ZFP1: variants seen among roughly 807,000 people sequenced by gnomAD.
The protein encoded by ZFP1 is zinc finger protein 1 homolog.
ZFP1 carries 32 observed loss-of-function variants against 38.5 expected under a neutral mutation model. That is an observed-to-expected ratio of 0.83 (90% CI 0.63 to 1.12). The LOEUF (loss-of-function observed/expected upper bound fraction) is 1.12. ZFP1 is among the 50% of genes most tolerant of loss of function. The pLI, the probability that ZFP1 is intolerant of heterozygous loss-of-function variation, is 0.00. For synonymous variants in ZFP1, 245 were observed against 168.8 expected (o/e 1.45, Z -3.50); for missense variants, 616 against 480.8 (o/e 1.28, Z -2.63).
chr16:75,147,342 A>G (rs1290338253), upstream of ZFP1, among the ~76,000 whole-genome samples: 1 of 152,158 alleles, frequency 6.6e-6, no homozygotes, highest in African/African-American at 2.4e-5. Flanking sequence ...CAGTGGCACA[A>G]TCTTGGCTCA....
intron 2 of ZFP1, among the ~76,000 whole-genome samples, chr16:75,163,891 T>G (rs996274650): frequency 6.6e-6 from 1 of 152,144 alleles, no homozygotes; most frequent in Non-Finnish European, 1.5e-5. Flanking sequence ...ATTACACACA[T>G]GAGCCACAGC....
rs1178556441 is a variant in ZFP1, at chr16:75,152,939, A to G, written c.-13A>G. The G allele has an allele frequency of 6.2e-7, 1 of 1,613,800 alleles. No homozygotes were observed. The highest frequency in any genetic ancestry group is 2.2e-5 in the East Asian group (1 of 44,836). On this transcript the variant is annotated 5_prime_UTR_variant, in exon 2 of 4. Transcript: ENST00000570010. ...CCTTCATAGTTCTCTGCCTTTGCCCAAAACTGCAGAAAATGAACAAATCCC... is the reference window on the plus strand; with the variant it reads ...CCTTCATAGTTCTCTGCCTTTGCCCGAAACTGCAGAAAATGAACAAATCCC...
rs2038096280 is a variant in ZFP1, at chr16:75,166,603, C to T, written c.16-167C>T. 3 of 984,794 alleles carry T rather than the reference C, an allele frequency of 3.0e-6. No individual in the cohort carries two copies. The South Asian group carries it at 1.4e-4, about 46-fold the overall frequency. The allele number at this position is 984,794 out of a possible 1,614,324, so 61.0% of individuals were successfully genotyped here. ...GATATAGGGGAATCTGAATAAATCTCAACTATTTATAAAAATATATTTTGG... is the reference window on the plus strand; with the variant it reads ...GATATAGGGGAATCTGAATAAATCTTAACTATTTATAAAAATATATTTTGG... On this transcript the variant is annotated intron_variant, in intron 2 of 3. Coordinates refer to ENST00000570010, the MANE Select transcript of ZFP1 (RefSeq NM_153688.4).
chr16:75,169,891 G>C lies in ZFP1; in HGVS notation c.781G>C (p.Ala261Pro). 2 of 1,614,192 alleles carry C rather than the reference G, an allele frequency of 1.2e-6. No individual in the cohort carries two copies. Among genetic ancestry groups the C allele is most frequent in the Non-Finnish European group, 1.7e-6 (2 of 1,180,036 alleles). Residue 261 changes from alanine to proline, a missense_variant, in exon 4 of 4, where the codon GCA becomes CCA. By Grantham distance (27) the Ala-to-Pro change is conservative (BLOSUM62 -1). Transcript: ENST00000570010. ...GTCAAACCTCATTGTACACCAGAGA[G>C]CACATATGGAGAAGAAGCCCTATGA... ...HQSNLIVHQR[A>P]HMEKKPYECS...
upstream of ZFP1, among the ~76,000 whole-genome samples, chr16:75,144,427 A>G (rs1214240949): frequency 6.6e-6 from 1 of 152,140 alleles, no homozygotes; most frequent in Non-Finnish European, 1.5e-5. Flanking sequence ...ACCACAATTT[A>G]TTTTACGTTT....
At chr16:75,147,483 C>T (rs1429756831), upstream of ZFP1, among the ~76,000 whole-genome samples, 1 of 146,210 alleles carries the variant, frequency 6.8e-6, no homozygotes, top group Admixed American at 6.9e-5. Context: ...GATGAGGTTT[C>T]ACCATTTTGG....
intron 2 of ZFP1, among the ~76,000 whole-genome samples, chr16:75,162,333 A>G (rs1287467364): frequency 6.6e-6 from 1 of 151,740 alleles, no homozygotes; most frequent in Non-Finnish European, 1.5e-5. Flanking sequence ...CCTGTTGCCC[A>G]GACTGGTCTT....
At chr16:75,136,364 G>A in the ZFP1 span, among the ~76,000 whole-genome samples, 2 of 152,146 alleles carry the variant, frequency 1.3e-5, no homozygotes, top group Non-Finnish European at 2.9e-5. Flanking sequence ...GATACTCGTC[G>A]ACAGTCCTAC....
the ZFP1 span, among the ~76,000 whole-genome samples, chr16:75,138,178 A>C: frequency 3.4e-3 from 519 of 151,930 alleles, 2 homozygotes; most frequent in African/African-American, 0.012. Flanking sequence ...CTGGGACTAC[A>C]GGCGTGCGCC....
upstream of ZFP1, among the ~76,000 whole-genome samples, chr16:75,143,497 TG>T (rs879834854): frequency 1.7e-4 from 26 of 152,136 alleles, no homozygotes; most frequent in Non-Finnish European, 3.4e-4. Flanking sequence ...CTGCCCGCCT[TG>T]GCCCCCCAAA....
the ZFP1 span, among the ~76,000 whole-genome samples, chr16:75,129,789 C>G: frequency 1.3e-5 from 2 of 152,152 alleles, no homozygotes; most frequent in South Asian, 4.1e-4. Flanking sequence ...AATAAACTTT[C>G]TAAATTAACT....
At chr16:75,131,997 C>T in the ZFP1 span, among the ~76,000 whole-genome samples, 2 of 151,726 alleles carry the variant, frequency 1.3e-5, no homozygotes, top group African/African-American at 4.8e-5. Flanking sequence ...GTCTGTTTTA[C>T]AGTTGGTTAG....
At chr16:75,138,188 C>A in the ZFP1 span, among the ~76,000 whole-genome samples, 1 of 152,088 alleles carries the variant, frequency 6.6e-6, no homozygotes, top group South Asian at 2.1e-4. Context: ...AGGCGTGCGC[C>A]ACCACACCTG....
the ZFP1 span, among the ~76,000 whole-genome samples, chr16:75,133,860 C>T: frequency 1.3e-5 from 2 of 152,028 alleles, no homozygotes; most frequent in African/African-American, 4.8e-5. Flanking sequence ...AGCAGCCTGG[C>T]CAACATGGTG....
chr16:75,128,288 A>G, the ZFP1 span, among the ~76,000 whole-genome samples: 1 of 152,204 alleles, frequency 6.6e-6, no homozygotes, highest in African/African-American at 2.4e-5. Flanking sequence ...GATGGTACAA[A>G]TTCATGGCTG....
At chr16:75,167,437 C>T (rs1597084228) in intron 3 of ZFP1, among the ~76,000 whole-genome samples, 2 of 151,470 alleles carry the variant, frequency 1.3e-5, no homozygotes, top group Non-Finnish European at 1.5e-5. Context: ...ATTTGCCTCT[C>T]ACACTTGAAC....
rs578181613 is a variant in ZFP1, at chr16:75,165,168, T to C, written c.16-1602T>C. ...TTTGTTGACGTGTTGCCTATGCCTG[T>C]TTTTGTGGTATGATGGCCAAGTCGG... On this transcript the variant is annotated intron_variant, in intron 2 of 3. Coordinates refer to ENST00000570010, the MANE Select transcript of ZFP1 (RefSeq NM_153688.4). 2.0e-5 allele frequency among the ~76,000 whole-genome samples: 3 copies of C among 152,224 alleles called. No individual in the cohort carries two copies. In the East Asian group the frequency reaches 5.8e-4, roughly 29 times the overall value.
chr16:75,166,070 A>G (rs1345019856), intron 2 of ZFP1, among the ~76,000 whole-genome samples: 1 of 152,160 alleles, frequency 6.6e-6, no homozygotes, highest in African/African-American at 2.4e-5. Context: ...CCTTACTTGT[A>G]CCTGGTATTT....
chr16:75,123,578 A>G, the ZFP1 span, among the ~76,000 whole-genome samples: 4 of 147,660 alleles, frequency 2.7e-5, no homozygotes, highest in Non-Finnish European at 3.0e-5. Flanking sequence ...GCAGGGTTCA[A>G]GCAATTCTCC....
Sources: allele counts gnomAD v4.1 joint callset (sites outside exome capture counted in the v4.1 genomes callset), GRCh38; gene constraint gnomAD v4.1.1; transcripts MANE v1.5; gene names NCBI Gene and HGNC (gene_info 2026-07-23, HGNC 2026-07-21).